The following SLC37A3 variants were observed in gnomAD, a reference collection of about 807,000 sequenced individuals.
SLC37A3 encodes the protein solute carrier family 37 member 3.
Under a neutral mutation model 67.1 loss-of-function variants are expected in SLC37A3, and 51 were observed. The observed-to-expected ratio is 0.76, with a 90% CI of 0.61 to 0.96. SLC37A3 has a LOEUF of 0.96. Ranked by LOEUF, SLC37A3 falls within the 40% of genes least tolerant of loss-of-function variation. The probability of loss-of-function intolerance (pLI) is 0.00; values close to 1 mark genes in which losing one functional copy is unlikely to be tolerated. For missense variants in SLC37A3, 508 were observed against 603.0 expected, an observed-to-expected ratio of 0.84 and a Z score of 1.65; for synonymous variants, 214 against 231.4, an observed-to-expected ratio of 0.92 and a Z score of 0.68.
In SLC37A3 at chr7:140,382,430, A is replaced by G; in HGVS notation, c.89+8T>C. ...AAAGCAGGAGAGCAGCTTTGGCAAC[A>G]TGCTTACCTGAAGAAAGTGAGCAGG... On this transcript the variant is annotated splice_region_variant and intron_variant, in intron 2 of 14. Transcript: ENST00000326232. 6.2e-7 allele frequency: 1 copy of G among 1,613,298 alleles called. No homozygotes were observed. The highest frequency in any genetic ancestry group is 8.5e-7 in the Non-Finnish European group (1 of 1,179,360).
chr7:140,374,902 C>A (rs888831288), intron 3 of SLC37A3, among the ~76,000 whole-genome samples: 2 of 152,024 alleles, frequency 1.3e-5, no homozygotes, highest in Admixed American at 1.3e-4. Context: ...AATCCCAACA[C>A]TTTGGGAGGC....
At chr7:140,363,690 TAAAA>T (rs1173376055) in intron 5 of SLC37A3, among the ~76,000 whole-genome samples, 2,045 of 30,602 alleles carry the variant, frequency 0.067, 46 homozygotes, top group African/African-American at 0.19. Context: ...GAATGATCAA[TAAAA>T]AAAAAATAAA....
At chr7:140,364,826 AAAAT>A (rs913500370) in intron 4 of SLC37A3, among the ~76,000 whole-genome samples, 29 of 152,334 alleles carry the variant, frequency 1.9e-4, no homozygotes, top group African/African-American at 6.7e-4. Flanking sequence ...TAACTGGAAA[AAAAT>A]AAATAAATAA....
chr7:140,346,098 G>A lies in SLC37A3; in HGVS notation c.1025-128C>T, dbSNP rs1242569871. ...ACTAGTCTATCAAAAAATATGGCTG[G>A]GCCGGGCTCGGTGGCTCACACCTGT... On this transcript the variant is annotated intron_variant, in intron 10 of 14. Transcript: ENST00000326232. The A allele has an allele frequency of 1.8e-5, 12 of 676,630 alleles. No homozygotes were observed. In the African/African-American group the frequency reaches 2.0e-4, roughly 11 times the overall value. The allele number at this position is 676,630 out of a possible 1,614,324, so 41.9% of individuals were successfully genotyped here. A position where few individuals can be genotyped will look rare whatever the true frequency, so the allele number is the denominator to read the frequency against.
At chr7:140,348,411 G>A in intron 10 of SLC37A3, 1 of 472,834 alleles carries the variant, frequency 2.1e-6, no homozygotes, top group South Asian at 3.7e-5. Context: ...CGCTGCCTTA[G>A]GCTAGGTCTT....
At chr7:140,352,839 A>G (rs1355215831) in intron 7 of SLC37A3, among the ~76,000 whole-genome samples, 1 of 152,162 alleles carries the variant, frequency 6.6e-6, no homozygotes, top group Non-Finnish European at 1.5e-5. Flanking sequence ...CAGGCTGCAC[A>G]GCTGAATTTT....
chr7:140,378,685 C>T (rs1396462350), intron 3 of SLC37A3, among the ~76,000 whole-genome samples: 3 of 148,114 alleles, frequency 2.0e-5, no homozygotes, highest in East Asian at 4.0e-4. Context: ...TGCAGTGAGC[C>T]GAGATCATGC....
At chr7:140,375,955 C>A in intron 3 of SLC37A3, among the ~76,000 whole-genome samples, 1 of 152,182 alleles carries the variant, frequency 6.6e-6, no homozygotes, top group East Asian at 1.9e-4. Context: ...AGTGTTCCAT[C>A]CTTGTGTGCC....
At chr7:140,365,686 A>ACT in intron 4 of SLC37A3, among the ~76,000 whole-genome samples, 1 of 152,152 alleles carries the variant, frequency 6.6e-6, no homozygotes, top group Non-Finnish European at 1.5e-5. Flanking sequence ...GCACCACTGC[A>ACT]CTCCAGCCTG....
In SLC37A3 at chr7:140,335,050, A is replaced by T; in HGVS notation, c.*362T>A. 2 of 628,376 alleles carry T rather than the reference A, an allele frequency of 3.2e-6. No individual in the cohort carries two copies. The highest frequency in any genetic ancestry group is 5.4e-6 in the Non-Finnish European group (2 of 372,606). The allele number at this position is 628,376 out of a possible 1,614,324, so 38.9% of individuals were successfully genotyped here. ...CCACGCGTGGCTTTGCCTCCTGTTCACTCCATTTTCAAGGCTAGAGAAAGT... is the reference window on the plus strand; with the variant it reads ...CCACGCGTGGCTTTGCCTCCTGTTCTCTCCATTTTCAAGGCTAGAGAAAGT... On this transcript the variant is annotated 3_prime_UTR_variant, in exon 15 of 15. Transcript: ENST00000326232.
intron 1 of SLC37A3, among the ~76,000 whole-genome samples, chr7:140,390,646 C>T (rs1798692173): frequency 6.6e-6 from 1 of 152,146 alleles, no homozygotes; most frequent in African/African-American, 2.4e-5. Context: ...TCCATCCCCA[C>T]CGCCAGGTGG....
At chr7:140,395,336 C>T (rs1798876865) in intron 1 of SLC37A3, among the ~76,000 whole-genome samples, 1 of 130,522 alleles carries the variant, frequency 7.7e-6, no homozygotes, top group Non-Finnish European at 1.5e-5. Context: ...GATGGTGCCA[C>T]TGCACTCCAG....
intron 2 of SLC37A3, 138 bp from the exon 3 acceptor site, chr7:140,380,528 T>A (rs986889529): frequency 7.0e-6 from 4 of 569,016 alleles, no homozygotes; most frequent in African/African-American, 5.8e-5. Flanking sequence ...CAAAATAGAT[T>A]CAGAGAGGCT....
chr7:140,396,119 A>C (rs904938662), intron 1 of SLC37A3, among the ~76,000 whole-genome samples: 1 of 151,938 alleles, frequency 6.6e-6, no homozygotes, highest in Non-Finnish European at 1.5e-5. Flanking sequence ...TCCTAGGTTT[A>C]AGCGATCCTC....
intron 3 of SLC37A3, among the ~76,000 whole-genome samples, chr7:140,374,015 C>T (rs1302610383): frequency 6.6e-6 from 1 of 152,102 alleles, no homozygotes; most frequent in African/African-American, 2.4e-5. Context: ...CCCAAAAACT[C>T]CAATGTATTT....
chr7:140,361,488 C>T (rs1797272059), intron 5 of SLC37A3, among the ~76,000 whole-genome samples: 1 of 53,408 alleles, frequency 1.9e-5, no homozygotes, highest in African/African-American at 1.2e-4. Flanking sequence ...GGACACACAG[C>T]CTCTCCCTCC....
At chr7:140,361,963 A>C (rs1303174274) in intron 5 of SLC37A3, among the ~76,000 whole-genome samples, 1 of 136,748 alleles carries the variant, frequency 7.3e-6, no homozygotes, top group Non-Finnish European at 1.6e-5. Flanking sequence ...GCCTCTGCCC[A>C]GCCGCCACCC....
At chr7:140,337,375 A>G (rs770796209) in intron 13 of SLC37A3, 26 bp from the exon 14 acceptor site, 2 of 1,530,016 alleles carry the variant, frequency 1.3e-6, no homozygotes, top group Non-Finnish European at 8.8e-7. Flanking sequence ...AAAAAATTAC[A>G]ATATAATTCT....
At chr7:140,348,462 C>CTTTTTTTTTTTTTTTTTTTTTTTTTTT (rs66700092) in intron 10 of SLC37A3, 164 bp downstream of exon 10, 1 of 350,170 alleles carries the variant, frequency 2.9e-6, no homozygotes, top group Non-Finnish European at 4.3e-6. Context: ...CTTTTCTTTT[C>CTTTTTTTTTTTTTTTTTTTTTTTTTTT]TTTTTTTTTT....
Sources: allele counts gnomAD v4.1 joint callset (sites outside exome capture counted in the v4.1 genomes callset), GRCh38; gene constraint gnomAD v4.1.1; transcripts MANE v1.5; gene names NCBI Gene and HGNC (gene_info 2026-07-23, HGNC 2026-07-21).